ADCY3: variants seen among roughly 807,000 people sequenced by gnomAD.
ADCY3 encodes the protein adenylate cyclase 3, also known as adenylate cyclase type 3.
Under a neutral mutation model 119.4 loss-of-function variants are expected in ADCY3, and 70 were observed. The ratio of observed to expected loss-of-function variants is 0.59; its 90% CI spans 0.48 to 0.72. ADCY3 has a LOEUF of 0.72. Among genes scored for constraint, ADCY3 ranks in the 30% least tolerant of loss-of-function variants. The pLI is 0.00. For synonymous variants in ADCY3, 672 were observed against 621.4 expected, an observed-to-expected ratio of 1.08 and a Z score of -1.21; for missense variants, 1,238 against 1,541.6, an observed-to-expected ratio of 0.80 and a Z score of 3.30.
chr2:24,859,263 G>A (rs1359540336), intron 3 of ADCY3, among the ~76,000 whole-genome samples: 2 of 152,166 alleles, frequency 1.3e-5, no homozygotes, highest in Non-Finnish European at 2.9e-5. Context: ...ATGCAGCCAC[G>A]GTGCAACGAG....
rs1668839041 is a variant in ADCY3 at position 24,827,841 on chromosome 2, TGAG to T, written c.2432+58_2432+60del. 22 of 1,602,576 alleles carry T rather than the reference TGAG, an allele frequency of 1.4e-5. 1 individual carries two copies. In the South Asian group the frequency reaches 1.8e-4, roughly 13 times the overall value. On this transcript the variant is annotated intron_variant, in intron 14 of 21. Coordinates refer to ENST00000679454, the MANE Select transcript of ADCY3 (RefSeq NM_004036.5). ...TCAGCACAGGCCCATGAGCTTGAAC[TGAG>T]GACTTTGCGGGCGGGAGGAAGGAGA...
rs115668158 is a variant in ADCY3, at chr2:24,856,221, A to G, written c.826-13837T>C. On this transcript the variant is annotated intron_variant, in intron 3 of 21. Coordinates refer to ENST00000679454, the MANE Select transcript of ADCY3 (RefSeq NM_004036.5). ...TCCATGCGTTAGCGCTTGCACATGT[A>G]CACACATGCAGCTGCATGTACGTGT... Among the ~76,000 whole-genome samples the G allele has an allele frequency of 1.9e-3, 296 of 152,258 alleles. 1 individual carries two copies. The highest frequency in any genetic ancestry group is 6.3e-3 in the African/African-American group (260 of 41,540).
intron 2 of ADCY3, among the ~76,000 whole-genome samples, chr2:24,912,929 A>AGAAAAC (rs1254760660): frequency 6.6e-6 from 1 of 152,196 alleles, no homozygotes; most frequent in Non-Finnish European, 1.5e-5. Flanking sequence ...AGTTGTTTAC[A>AGAAAAC]TGTTCAATGA....
chr2:24,822,671 G>A (rs367794544), intron 18 of ADCY3, 41 bp from the exon 19 acceptor site: 10 of 1,608,236 alleles, frequency 6.2e-6, no homozygotes, highest in South Asian at 5.5e-5. Flanking sequence ...GCAGTCAAGG[G>A]AGAGGAATGA....
At chr2:24,825,334 C>T (rs1340153092) in intron 16 of ADCY3, among the ~76,000 whole-genome samples, 1 of 81,570 alleles carries the variant, frequency 1.2e-5, no homozygotes, top group East Asian at 2.8e-4. Flanking sequence ...GTGGTTGTGG[C>T]GGGGGGGGGG....
At chr2:24,911,217 C>CTTTTTTTTTTT (rs61442701) in intron 2 of ADCY3, among the ~76,000 whole-genome samples, 1 of 93,484 alleles carries the variant, frequency 1.1e-5, no homozygotes, top group Non-Finnish European at 2.0e-5. Flanking sequence ...TATAAGGGTT[C>CTTTTTTTTTTT]TTTTTTTTTT....
Position 24,872,269 on chromosome 2 carries a change from T to C in ADCY3, c.825+301A>G, listed in dbSNP as rs1344715949. ...AAGTCATAGCTGGCTGCTTGGGCAATGCATTTCTTGAAAGGGAAAAGTTTT... is the reference window on the plus strand; with the variant it reads ...AAGTCATAGCTGGCTGCTTGGGCAACGCATTTCTTGAAAGGGAAAAGTTTT... On this transcript the variant is annotated intron_variant, in intron 3 of 21. Coordinates refer to ENST00000679454, the MANE Select transcript of ADCY3 (RefSeq NM_004036.5). The surrounding 1 kb of genome is among the most constrained non-coding windows in gnomAD (Gnocchi z 4.4). Among the ~76,000 whole-genome samples the C allele has an allele frequency of 1.3e-5, 2 of 152,138 alleles. No individual in the cohort carries two copies. Among genetic ancestry groups the C allele is most frequent in the Non-Finnish European group, 1.5e-5 (1 of 68,020 alleles).
At chr2:24,877,763 C>A (rs2148851361) in intron 2 of ADCY3, among the ~76,000 whole-genome samples, 2 of 152,342 alleles carry the variant, frequency 1.3e-5, no homozygotes, top group South Asian at 4.1e-4. Context: ...GTGTTCTGCA[C>A]ACACACAGGC....
chr2:24,823,961 C>T (rs1475539216), intron 17 of ADCY3, among the ~76,000 whole-genome samples: 1 of 152,212 alleles, frequency 6.6e-6, no homozygotes, highest in African/African-American at 2.4e-5. Flanking sequence ...TCCCAAAGTG[C>T]CGGGATTACA....
rs148487091 is a variant in ADCY3 at position 24,850,375 on chromosome 2, C to T, written c.826-7991G>A. 7.8e-3 allele frequency among the ~76,000 whole-genome samples: 1,191 copies of T among 152,278 alleles called. 16 individuals are homozygous for T. The highest frequency in any genetic ancestry group is 0.027 in the African/African-American group (1,124 of 41,548). ...ATTCCAGAGCCCTGGCTAAAGACTC[C>T]GACACCCCTTCATTTGTGTTCCTGG... On this transcript the variant is annotated intron_variant, in intron 3 of 21. Coordinates refer to ENST00000679454, the MANE Select transcript of ADCY3 (RefSeq NM_004036.5).
At chr2:24,892,961 G>C (rs1335222406) in intron 2 of ADCY3, among the ~76,000 whole-genome samples, 1 of 151,784 alleles carries the variant, frequency 6.6e-6, no homozygotes, top group Non-Finnish European at 1.5e-5. Context: ...ACCACACCTG[G>C]CCTATTTTTC....
At position 24,882,431 on chromosome 2, in the gene ADCY3, G is replaced by C. The variant is rs181556807; in HGVS notation, c.676-9712C>G. Among the ~76,000 whole-genome samples the C allele has an allele frequency of 2.0e-5, 3 of 152,302 alleles. No homozygotes were observed. In the East Asian group the frequency reaches 5.8e-4, roughly 29 times the overall value. ...TCTTGTCAGATTCTCCTAAGGATCT[G>C]TTACTCCAGATGACTGAGAACCACA... On this transcript the variant is annotated intron_variant, in intron 2 of 21. Transcript: ENST00000679454.
chr2:24,874,453 C>T lies in ADCY3; in HGVS notation c.676-1734G>A, dbSNP rs189751759. Among the ~76,000 whole-genome samples, 21 of 152,290 alleles carry T rather than the reference C, an allele frequency of 1.4e-4. No individual in the cohort carries two copies. In the East Asian group the frequency reaches 3.1e-3, roughly 22 times the overall value. On this transcript the variant is annotated intron_variant, in intron 2 of 21. Coordinates refer to ENST00000679454, the MANE Select transcript of ADCY3 (RefSeq NM_004036.5). ...ACCTGAATGGCCAGCCTTATTGGGG[C>T]CAGAAGGGAACTGTGAGTGCAGGTT...
Position 24,898,641 on chromosome 2 carries a change from G to C in ADCY3, c.675+19672C>G, listed in dbSNP as rs891958009. On this transcript the variant is annotated intron_variant, in intron 2 of 21. Coordinates refer to ENST00000679454, the MANE Select transcript of ADCY3 (RefSeq NM_004036.5). The surrounding 1 kb of genome is among the most constrained non-coding windows in gnomAD (Gnocchi z 4.3). ...AAGGAGCCCTCCCATTTCCGCCTCT[G>C]ACTTCCTTTCCACAAAGCAAAGGAG... Among the ~76,000 whole-genome samples the C allele has an allele frequency of 1.3e-5, 2 of 152,124 alleles. No individual in the cohort carries two copies. Among genetic ancestry groups the C allele is most frequent in the Non-Finnish European group, 1.5e-5 (1 of 68,018 alleles).
intron 3 of ADCY3, among the ~76,000 whole-genome samples, chr2:24,852,164 G>T (rs74807411): frequency 6.6e-6 from 1 of 152,166 alleles, no homozygotes; most frequent in Non-Finnish European, 1.5e-5. Context: ...AGCCCCTTCC[G>T]GTGGGTCCTT....
chr2:24,840,043 A>G lies in ADCY3; in HGVS notation c.1197-12T>C, dbSNP rs747678589. The G allele has an allele frequency of 2.5e-6, 4 of 1,601,238 alleles. No individual in the cohort carries two copies. The highest frequency in any genetic ancestry group is 2.6e-6 in the Non-Finnish European group (3 of 1,169,988). ...TCTCCCGCACATACCTGCCAGGTAC[A>G]CACAGAAAGGAGGGTCAGGGTGTGG... On this transcript the variant is annotated splice_polypyrimidine_tract_variant and intron_variant, in intron 6 of 21. Coordinates refer to ENST00000679454, the MANE Select transcript of ADCY3 (RefSeq NM_004036.5).
At chr2:24,897,020 G>A (rs1179931927) in intron 2 of ADCY3, among the ~76,000 whole-genome samples, 2 of 152,100 alleles carry the variant, frequency 1.3e-5, no homozygotes, top group African/African-American at 4.8e-5. Flanking sequence ...TGTTTACAGT[G>A]GGAGAATAAT....
intron 8 of ADCY3, among the ~76,000 whole-genome samples, chr2:24,837,624 T>G (rs1670469970): frequency 6.6e-6 from 1 of 152,196 alleles, no homozygotes. Flanking sequence ...CAAGTCTTGT[T>G]AGATGGACTC....
chr2:24,911,780 C>G (rs1221388433), intron 2 of ADCY3, among the ~76,000 whole-genome samples: 1 of 150,738 alleles, frequency 6.6e-6, no homozygotes, highest in African/African-American at 2.5e-5. Flanking sequence ...AACTCCTGGC[C>G]TCAAGTGATA....
Sources: allele counts gnomAD v4.1 joint callset (sites outside exome capture counted in the v4.1 genomes callset), GRCh38; gene constraint gnomAD v4.1.1; non-coding constraint Gnocchi (gnomAD v3.1); transcripts MANE v1.5; gene names NCBI Gene and HGNC (gene_info 2026-07-23, HGNC 2026-07-21).